The following DGKI variants were observed in gnomAD, a reference collection of about 807,000 sequenced individuals.
The protein encoded by DGKI is DAG kinase iota.
A neutral mutation model predicts 147.5 loss-of-function variants in DGKI; 55 were observed. The observed-to-expected ratio is 0.37, with a 90% CI of 0.30 to 0.47. The LOEUF is 0.47. DGKI is among the 20% of genes least tolerant of loss of function. The pLI is 1.00. For missense variants in DGKI, 1,007 were observed against 1,323.8 expected (o/e 0.76, Z 3.71); for synonymous variants, 469 against 477.1 (o/e 0.98, Z 0.22).
At chr7:137,580,636 T>C (rs549546890) in intron 15 of DGKI, among the ~76,000 whole-genome samples, 1 of 152,126 alleles carries the variant, frequency 6.6e-6, no homozygotes, top group Non-Finnish European at 1.5e-5. Context: ...TCTGCTAACA[T>C]TGCTGGATCC....
intron 1 of DGKI, among the ~76,000 whole-genome samples, chr7:137,737,204 CAAAAAAAAAAA>C (rs763572711): frequency 1.2e-5 from 1 of 83,494 alleles, no homozygotes; most frequent in African/African-American, 3.9e-5. Flanking sequence ...CTCATTTCAC[CAAAAAAAAAAA>C]AAAAAAAAAA....
intron 14 of DGKI, among the ~76,000 whole-genome samples, chr7:137,583,132 G>A (rs1473262472): frequency 6.6e-6 from 1 of 152,074 alleles, no homozygotes; most frequent in Non-Finnish European, 1.5e-5. Flanking sequence ...AAGAAAATTG[G>A]ATTGGCTTGG....
chr7:137,706,577 T>A (rs989152284), intron 1 of DGKI, among the ~76,000 whole-genome samples: 6 of 150,248 alleles, frequency 4.0e-5, no homozygotes, highest in Non-Finnish European at 7.4e-5. Context: ...ATTTTTATTT[T>A]TATTTTTTTT....
chr7:137,690,906 G>A (rs577651975), intron 1 of DGKI, among the ~76,000 whole-genome samples: 6 of 152,310 alleles, frequency 3.9e-5, no homozygotes, highest in South Asian at 2.1e-4. Context: ...ATCAGGAACC[G>A]TGGAAGTTCA....
At chr7:137,394,425 T>C (rs1017344599) in intron 32 of DGKI, among the ~76,000 whole-genome samples, 1 of 152,200 alleles carries the variant, frequency 6.6e-6, no homozygotes, top group African/African-American at 2.4e-5. Flanking sequence ...GGTGTTGATC[T>C]TCTATGTAAA....
intron 27 of DGKI, chr7:137,454,722 A>G (rs1445423568): frequency 1.3e-5 from 2 of 152,208 alleles, no homozygotes; most frequent in African/African-American, 4.8e-5. Context: ...GAAAAGGCAC[A>G]TTATTCTAAA....
chr7:137,796,431 T>C (rs918045521), intron 1 of DGKI, among the ~76,000 whole-genome samples: 2 of 151,740 alleles, frequency 1.3e-5, no homozygotes, highest in African/African-American at 4.8e-5. Context: ...ACCCAGGAGA[T>C]GGAGATTGCA....
Position 137,466,915 on chromosome 7 carries a change from A to G in DGKI, c.2471T>C (p.Ile824Thr). ...AAAAAAACTTACCTGAGATCTGTCT[A>G]TTCGATAAAAGCGATCAGCAGAAGT... is the stretch of plus-strand genomic sequence containing the variant. ...DATSADRFYR[I>T]DRSQEHLHFV... Residue 824 changes from isoleucine (I) to threonine (T), a missense_variant, in exon 25 of 33, where the codon ATA becomes ACA. Ile to Thr is a moderately conservative substitution (Grantham distance 89, BLOSUM62 -1). Around this residue, in one of 5 missense-constraint regions of DGKI, gnomAD observed 385 missense variants for 445.2 expected, o/e 0.86. Transcript: ENST00000614521. 1.2e-6 allele frequency: 2 copies of G among 1,614,190 alleles called. No individual in the cohort carries two copies. The highest frequency in any genetic ancestry group is 1.7e-6 in the Non-Finnish European group (2 of 1,180,034).
At chr7:137,533,497 C>A (rs1375189629) in intron 20 of DGKI, among the ~76,000 whole-genome samples, 3 of 152,056 alleles carry the variant, frequency 2.0e-5, no homozygotes, top group African/African-American at 7.2e-5. Flanking sequence ...CTTTCACTTA[C>A]CACATTAAAG....
At chr7:137,572,701 GA>G in intron 18 of DGKI, 63 bp downstream of exon 18, 1 of 1,145,312 alleles carries the variant, frequency 8.7e-7, no homozygotes, top group Non-Finnish European at 1.3e-6. Flanking sequence ...TTTCTGTTAT[GA>G]AAACAGATAA....
intron 21 of DGKI, among the ~76,000 whole-genome samples, chr7:137,492,605 G>C (rs1211805487): frequency 6.6e-6 from 1 of 152,138 alleles, no homozygotes; most frequent in African/African-American, 2.4e-5. Flanking sequence ...AGCTGGAAGG[G>C]ATAGTTGCTT....
intron 27 of DGKI, among the ~76,000 whole-genome samples, chr7:137,459,470 A>ATTTTTTTTTTT (rs68045398): frequency 1.2e-4 from 13 of 107,482 alleles, no homozygotes; most frequent in Non-Finnish European, 1.3e-4. Context: ...AATTTTTTAA[A>ATTTTTTTTTTT]TTTTTTTTTT....
At chr7:137,650,741 G>A (rs1278301950) in intron 5 of DGKI, among the ~76,000 whole-genome samples, 6 of 152,174 alleles carry the variant, frequency 3.9e-5, no homozygotes, top group Non-Finnish European at 1.5e-5. Context: ...CCAGCTTGCA[G>A]AACTGTGAGA....
chr7:137,839,451 G>A (rs1277640493), intron 1 of DGKI, among the ~76,000 whole-genome samples: 1 of 152,164 alleles, frequency 6.6e-6, no homozygotes, highest in Non-Finnish European at 1.5e-5. Context: ...CTGGACTTGA[G>A]TATAGATAAT....
At chr7:137,772,385 T>C (rs1420466654) in intron 1 of DGKI, among the ~76,000 whole-genome samples, 2 of 152,152 alleles carry the variant, frequency 1.3e-5, no homozygotes, top group African/African-American at 4.8e-5. Context: ...TGATTCACCC[T>C]GGAGCCCTGG....
At chr7:137,513,832 C>A in intron 21 of DGKI, 2 of 687,370 alleles carry the variant, frequency 2.9e-6, no homozygotes, top group South Asian at 3.0e-5. Context: ...TCGGCCTTAG[C>A]GCCATTTTTT....
chr7:137,504,702 T>C (rs893839883), intron 21 of DGKI, among the ~76,000 whole-genome samples: 2 of 152,150 alleles, frequency 1.3e-5, no homozygotes, highest in African/African-American at 4.8e-5. Context: ...GTACTTGGTA[T>C]CATTTAATCA....
chr7:137,654,303 G>A (rs1388570445), intron 5 of DGKI, among the ~76,000 whole-genome samples: 1 of 152,140 alleles, frequency 6.6e-6, no homozygotes, highest in African/African-American at 2.4e-5. Flanking sequence ...TGACTCCAGG[G>A]CTCATAGGAA....
At chr7:137,595,479 G>A (rs964887421) in intron 12 of DGKI, among the ~76,000 whole-genome samples, 1 of 152,102 alleles carries the variant, frequency 6.6e-6, no homozygotes, top group African/African-American at 2.4e-5. Context: ...TTGTTTACTT[G>A]ACAGAACAGA....
Sources: gnomAD v4.1 joint callset for allele counts (sites outside exome capture counted in the v4.1 genomes callset) on GRCh38, gnomAD v4.1.1 for gene constraint, gnomAD v4.1.1 regional missense constraint, MANE v1.5 for transcripts, NCBI Gene and HGNC (gene_info 2026-07-23, HGNC 2026-07-21) for gene names.